Variants in UEVLD observed in about 807,000 individuals in gnomAD.
UEVLD encodes the protein UEV and lactate/malate dehyrogenase domains.
In UEVLD, 47 loss-of-function variants were observed where a neutral mutation model predicts 58.6. The ratio of observed to expected loss-of-function variants is 0.80; its 90% CI spans 0.63 to 1.02. The LOEUF is 1.02. UEVLD is among the 50% of genes least tolerant of loss of function. UEVLD has a pLI of 0.00. For synonymous variants in UEVLD, 197 were observed against 195.3 expected (o/e 1.01, Z -0.07); for missense variants, 510 against 550.6 (o/e 0.93, Z 0.74).
At chr11:18,587,521 G>A (rs1853638720) in intron 1 of UEVLD, among the ~76,000 whole-genome samples, 1 of 152,174 alleles carries the variant, frequency 6.6e-6, no homozygotes, top group Non-Finnish European at 1.5e-5. Context: ...AATTATTTAA[G>A]GCCGGGTGCG....
At chr11:18,565,145 T>A in intron 5 of UEVLD, 135 bp from the exon 6 acceptor site, 1 of 578,418 alleles carries the variant, frequency 1.7e-6, no homozygotes, top group Non-Finnish European at 3.0e-6. Context: ...CAAAAAATAC[T>A]ACTGAACAAA....
intron 11 of UEVLD, among the ~76,000 whole-genome samples, chr11:18,532,783 G>A (rs1850622385): frequency 6.6e-6 from 1 of 152,172 alleles, no homozygotes; most frequent in South Asian, 2.1e-4. Flanking sequence ...AGGAGGTTGG[G>A]GGCTAAGAAA....
At chr11:18,579,655 G>T in intron 1 of UEVLD, 1 of 196,210 alleles carries the variant, frequency 5.1e-6, no homozygotes, top group Non-Finnish European at 9.2e-6. Context: ...CAGAGATACT[G>T]ACTTGGTTGT....
chr11:18,582,649 TATTA>T (rs1053827794), intron 1 of UEVLD, among the ~76,000 whole-genome samples: 11 of 152,130 alleles, frequency 7.2e-5, no homozygotes, highest in Non-Finnish European at 1.5e-4. Context: ...TTTCACTACA[TATTA>T]AACAGTGTAT....
intron 7 of UEVLD, among the ~76,000 whole-genome samples, chr11:18,548,647 G>A (rs1270351230): frequency 1.3e-5 from 2 of 152,060 alleles, no homozygotes; most frequent in Admixed American, 6.6e-5. Flanking sequence ...GGTTGGTCTC[G>A]AACTCCCAAC....
intron 3 of UEVLD, among the ~76,000 whole-genome samples, chr11:18,572,595 A>G (rs1470827933): frequency 1.3e-5 from 2 of 152,174 alleles, no homozygotes; most frequent in African/African-American, 4.8e-5. Context: ...ACCAGAGGGC[A>G]GGAGTTCAAG....
intron 3 of UEVLD, among the ~76,000 whole-genome samples, chr11:18,570,939 C>CA (rs34951254): frequency 0.014 from 1,878 of 137,590 alleles, 10 homozygotes; most frequent in African/African-American, 0.02. Context: ...CCCTGCCTCT[C>CA]AAAAAAAAAA....
At chr11:18,537,168 G>C (rs1315632554) in intron 9 of UEVLD, among the ~76,000 whole-genome samples, 1 of 151,510 alleles carries the variant, frequency 6.6e-6, no homozygotes, top group East Asian at 1.9e-4. Context: ...CAAAGTGCTA[G>C]GATTACAGGC....
intron 3 of UEVLD, among the ~76,000 whole-genome samples, chr11:18,573,158 A>C (rs529376279): frequency 5.9e-5 from 9 of 152,304 alleles, no homozygotes; most frequent in Non-Finnish European, 1.2e-4. Context: ...GCATAGTGCC[A>C]ATCAGCGGGA....
chr11:18,539,985 AAG>A (rs551421831), intron 9 of UEVLD, among the ~76,000 whole-genome samples: 36 of 152,360 alleles, frequency 2.4e-4, no homozygotes, highest in Admixed American at 7.2e-4. Context: ...CTTTACTTCA[AAG>A]AGTTATTTTA....
intron 4 of UEVLD, among the ~76,000 whole-genome samples, chr11:18,569,150 T>C (rs187219166): frequency 4.7e-4 from 71 of 152,320 alleles, no homozygotes; most frequent in Non-Finnish European, 8.8e-4. Flanking sequence ...CGCCTCGGCC[T>C]ACCAAAGTGC....
rs202028851 is a variant in UEVLD, at chr11:18,564,828, AAC to A, written c.612+62_612+63del. On this transcript the variant is annotated intron_variant, in intron 6 of 11. Coordinates refer to ENST00000396197, the MANE Select transcript of UEVLD (RefSeq NM_001040697.4). ...AATGAAGGCATTTTTTGGTGTGTAAAACACAACCTGCCTAGAAGTGTGGCACT... is the reference window on the plus strand; with the variant it reads ...AATGAAGGCATTTTTTGGTGTGTAAAACAACCTGCCTAGAAGTGTGGCACT... 1.7e-3 allele frequency: 2,083 copies of A among 1,225,044 alleles called. 20 individuals are homozygous for A. The African/African-American group carries it at 0.028, about 17-fold the overall frequency. 75.9% of individuals were successfully genotyped at this position (1,225,044 alleles called of 1,614,324 possible).
At chr11:18,566,993 A>G (rs1208977703) in intron 4 of UEVLD, among the ~76,000 whole-genome samples, 1 of 152,214 alleles carries the variant, frequency 6.6e-6, no homozygotes, top group Non-Finnish European at 1.5e-5. Context: ...CACCTAGATT[A>G]CTCAAATGTT....
chr11:18,562,932 G>C (rs1470164497), intron 6 of UEVLD, among the ~76,000 whole-genome samples: 2 of 152,058 alleles, frequency 1.3e-5, no homozygotes, highest in Admixed American at 1.3e-4. Context: ...TGTGGTCCCA[G>C]CTACTCAGGA....
Position 18,546,980 on chromosome 11 carries a change from G to A in UEVLD, c.786C>T (p.Tyr262=). 1 of 1,614,090 alleles carries A rather than the reference G, an allele frequency of 6.2e-7. No homozygotes were observed. Among genetic ancestry groups the A allele is most frequent in the Non-Finnish European group, 8.5e-7 (1 of 1,180,028 alleles). ...TVNSLGSSQS[Y]LDVVQSNVDM... ...CCACATTGCTCTGTACCACATCAAG[G>A]TACGACTGAGAACTACCCAAAGAGT... Residue 262 remains tyrosine (Y), a synonymous_variant, in exon 8 of 12, where the codon TAC becomes TAT. Coordinates refer to ENST00000396197, the MANE Select transcript of UEVLD (RefSeq NM_001040697.4).
At chr11:18,562,795 C>T (rs1852106520) in intron 6 of UEVLD, among the ~76,000 whole-genome samples, 1 of 152,038 alleles carries the variant, frequency 6.6e-6, no homozygotes, top group Non-Finnish European at 1.5e-5. Context: ...TGCCTGTAAT[C>T]CCAGCACTTT....
intron 9 of UEVLD, among the ~76,000 whole-genome samples, chr11:18,537,327 T>TTA (rs1850849949): frequency 2.2e-5 from 3 of 134,092 alleles, no homozygotes; most frequent in Admixed American, 7.7e-5. Flanking sequence ...TATATATATT[T>TTA]TTTTTTTTTT....
chr11:18,546,568 G>C (rs1327814526), intron 8 of UEVLD, among the ~76,000 whole-genome samples: 1 of 151,322 alleles, frequency 6.6e-6, no homozygotes, highest in Non-Finnish European at 1.5e-5. Context: ...CACCATCTTG[G>C]CCTCACTGCA....
intron 6 of UEVLD, among the ~76,000 whole-genome samples, chr11:18,561,612 C>T (rs550870352): frequency 6.6e-6 from 1 of 152,188 alleles, no homozygotes; most frequent in Non-Finnish European, 1.5e-5. Flanking sequence ...GAGGCCGAGG[C>T]GGGCAGATTG....
Sources: gnomAD v4.1 joint callset for allele counts (sites outside exome capture counted in the v4.1 genomes callset) on GRCh38, gnomAD v4.1.1 for gene constraint, MANE v1.5 for transcripts, NCBI Gene and HGNC (gene_info 2026-07-23, HGNC 2026-07-21) for gene names.